Variants in NCAM2 observed in about 807,000 individuals in gnomAD.
NCAM2 encodes the protein N-CAM-2.
A neutral mutation model predicts 98.1 loss-of-function variants in NCAM2; 30 were observed. The observed-to-expected ratio is 0.31, with a 90% CI of 0.23 to 0.41. The LOEUF (loss-of-function observed/expected upper bound fraction) is 0.41. Among genes scored for constraint, NCAM2 ranks in the 10% least tolerant of loss-of-function variants. The pLI is 1.00. For missense variants in NCAM2, 867 were observed against 1,005.8 expected, an observed-to-expected ratio of 0.86 and a Z score of 1.87; for synonymous variants, 368 against 342.4, an observed-to-expected ratio of 1.07 and a Z score of -0.83.
rs74735046 is a variant in NCAM2 at position 21,302,796 on chromosome 21, G to A, written c.619+10555G>A. On this transcript the variant is annotated intron_variant, in intron 5 of 17. Transcript: ENST00000400546. ...GATCATTATACCAAAAAGGCATAGAGACGTGTATGTTCATCACTGCACTAT... is the reference window on the plus strand; with the variant it reads ...GATCATTATACCAAAAAGGCATAGAAACGTGTATGTTCATCACTGCACTAT... 8.4e-3 allele frequency among the ~76,000 whole-genome samples: 1,278 copies of A among 152,192 alleles called. 18 individuals carry two copies. Among genetic ancestry groups the A allele is most frequent in the African/African-American group, 0.029 (1,222 of 41,536 alleles).
In NCAM2 at chr21:21,450,774, G is replaced by T. The variant is rs542577189; in HGVS notation, c.1655-15832G>T. On this transcript the variant is annotated intron_variant, in intron 12 of 17. Coordinates refer to ENST00000400546, the MANE Select transcript of NCAM2 (RefSeq NM_004540.5). ...TTGTGTTATTCCTCCTCCCCATCAT[G>T]TATGTATGTATGTATGTATACACAC... Among the ~76,000 whole-genome samples the T allele has an allele frequency of 1.1e-4, 12 of 111,662 alleles. No individual in the cohort carries two copies. In the South Asian group the frequency reaches 3.0e-3, roughly 28 times the overall value. 73.3% of individuals were successfully genotyped at this position (111,662 alleles called of 152,430 possible).
At chr21:21,529,256 C>G (rs1237181746) in intron 16 of NCAM2, among the ~76,000 whole-genome samples, 1 of 151,936 alleles carries the variant, frequency 6.6e-6, no homozygotes, top group Non-Finnish European at 1.5e-5. Context: ...GAATCACAAG[C>G]AATTAATCAG....
intron 6 of NCAM2, among the ~76,000 whole-genome samples, chr21:21,331,103 G>A (rs1024119826): frequency 6.6e-6 from 1 of 151,880 alleles, no homozygotes; most frequent in African/African-American, 2.4e-5. Flanking sequence ...CCTACCCTCT[G>A]TATCATACCT....
rs232389 is a variant in NCAM2, at chr21:21,425,387, T to A, written c.1481-6721T>A. Among the ~76,000 whole-genome samples, 1,121 of 152,288 alleles carry A rather than the reference T, an allele frequency of 7.4e-3. 14 individuals are homozygous for A. The highest frequency in any genetic ancestry group is 0.025 in the African/African-American group (1,041 of 41,554). The stretch of plus-strand genomic sequence containing the variant: ...TTTCTGGCTCATAATAGCTCTAAAT[T>A]GAATGTTTGAATGGTTCATTGTGTT... On this transcript the variant is annotated intron_variant, in intron 11 of 17. Transcript: ENST00000400546.
At chr21:21,041,460 G>A (rs1453199992) in intron 1 of NCAM2, among the ~76,000 whole-genome samples, 1 of 152,176 alleles carries the variant, frequency 6.6e-6, no homozygotes, top group Non-Finnish European at 1.5e-5. Flanking sequence ...ATTTTAAGAA[G>A]AGATGGTACA....
chr21:21,256,889 G>A (rs2071694155), intron 1 of NCAM2, among the ~76,000 whole-genome samples: 1 of 152,152 alleles, frequency 6.6e-6, no homozygotes, highest in Admixed American at 6.5e-5. Flanking sequence ...CAAATGGAGT[G>A]TACTCAGTAA....
intron 1 of NCAM2, among the ~76,000 whole-genome samples, chr21:21,021,931 T>C (rs8134434): frequency 0.061 from 9,257 of 152,154 alleles, 278 homozygotes; most frequent in African/African-American, 0.063. Flanking sequence ...ATAGTAGATG[T>C]TCAGTAAATA....
At chr21:21,399,740 T>C (rs756074810) in intron 9 of NCAM2, among the ~76,000 whole-genome samples, 5 of 152,180 alleles carry the variant, frequency 3.3e-5, no homozygotes, top group Non-Finnish European at 7.3e-5. Flanking sequence ...GCCTGTGTTA[T>C]GCTTTATTAT....
At chr21:21,351,111 C>CT (rs2075324715) in intron 8 of NCAM2, among the ~76,000 whole-genome samples, 1 of 68,274 alleles carries the variant, frequency 1.5e-5, no homozygotes, top group Non-Finnish European at 2.5e-5. Flanking sequence ...GAGCGAGACT[C>CT]TGTCTCAAAA....
At chr21:21,345,833 C>A (rs368308798) in intron 8 of NCAM2, among the ~76,000 whole-genome samples, 1 of 152,032 alleles carries the variant, frequency 6.6e-6, no homozygotes, top group Admixed American at 6.6e-5. Flanking sequence ...CTGAGACTTG[C>A]TGCGTCCAAA....
intron 12 of NCAM2, among the ~76,000 whole-genome samples, chr21:21,437,911 A>ATT (rs970443414): frequency 1.1e-4 from 13 of 123,694 alleles, no homozygotes; most frequent in East Asian, 2.4e-4. Context: ...TAAAGCACAT[A>ATT]TTATATATAT....
In NCAM2 at chr21:21,477,345, A is replaced by G. The variant is rs1413855711; in HGVS notation, c.1951A>G (p.Ile651Val). 4 of 1,609,714 alleles carry G rather than the reference A, an allele frequency of 2.5e-6. No individual in the cohort carries two copies. The South Asian group carries it at 4.4e-5, about 18-fold the overall frequency. Residue 651 changes from isoleucine to valine, a missense_variant, in exon 15 of 18, where the codon ATC (isoleucine) becomes GTC (valine). By Grantham distance (29) the Ile-to-Val change is conservative (BLOSUM62 3). Transcript: ENST00000400546. The part of the protein sequence containing the change: ...EKKVQGNKDH[I>V]ILEHLQWTMG... ...AAAAGTGCAAGGAAATAAAGACCAC[A>G]TCATTTTGGAGCATCTCCAGTGGAC...
chr21:21,307,711 T>C (rs2073928570), intron 5 of NCAM2, among the ~76,000 whole-genome samples: 1 of 152,164 alleles, frequency 6.6e-6, no homozygotes, highest in Admixed American at 6.6e-5. Context: ...AATTCCCTTC[T>C]GAACCTTGAA....
chr21:21,335,829 G>A (rs1252153650), intron 7 of NCAM2, among the ~76,000 whole-genome samples, 164 bp downstream of exon 7: 1 of 152,018 alleles, frequency 6.6e-6, no homozygotes, highest in Non-Finnish European at 1.5e-5. Flanking sequence ...ATTTTTTGAA[G>A]AATAACGTAA....
At chr21:21,537,548 A>G (rs1002015424) in intron 17 of NCAM2, among the ~76,000 whole-genome samples, 1 of 152,204 alleles carries the variant, frequency 6.6e-6, no homozygotes, top group Non-Finnish European at 1.5e-5. Flanking sequence ...TGGTGCATCT[A>G]TATCTACAAA....
chr21:21,213,679 A>C (rs968110722), intron 1 of NCAM2, among the ~76,000 whole-genome samples: 1 of 152,206 alleles, frequency 6.6e-6, no homozygotes, highest in Admixed American at 6.5e-5. Flanking sequence ...GTTAGTATTC[A>C]GGTTTTATAT....
intron 1 of NCAM2, among the ~76,000 whole-genome samples, chr21:21,188,521 T>C (rs2146951680): frequency 6.6e-6 from 1 of 152,332 alleles, no homozygotes; most frequent in South Asian, 2.1e-4. Flanking sequence ...CATTGTGTTA[T>C]TCTCTAAAGG....
intron 8 of NCAM2, among the ~76,000 whole-genome samples, chr21:21,370,765 C>G (rs56400125): frequency 6.6e-6 from 1 of 151,630 alleles, no homozygotes; most frequent in African/African-American, 2.4e-5. Context: ...TTTCAATTTC[C>G]TCATCTTAAA....
chr21:21,100,827 G>A (rs1169211734), intron 1 of NCAM2, among the ~76,000 whole-genome samples: 1 of 151,982 alleles, frequency 6.6e-6, no homozygotes, highest in Non-Finnish European at 1.5e-5. Flanking sequence ...ACACATAGCT[G>A]TTCTCTTGGG....
Sources: gnomAD v4.1 joint callset for allele counts (sites outside exome capture counted in the v4.1 genomes callset) on GRCh38, gnomAD v4.1.1 for gene constraint, MANE v1.5 for transcripts, NCBI Gene and HGNC (gene_info 2026-07-23, HGNC 2026-07-21) for gene names.